The following KCNN2 variants were observed in gnomAD, a reference collection of about 807,000 sequenced individuals.
KCNN2 encodes small conductance calcium-activated potassium channel protein 2.
A neutral mutation model predicts 55.5 loss-of-function variants in KCNN2; 24 were observed. The ratio of observed to expected loss-of-function variants is 0.43; its 90% confidence interval spans 0.31 to 0.61. KCNN2 has a LOEUF of 0.61. Ranked by LOEUF, KCNN2 falls within the 20% of genes least tolerant of loss-of-function variation. The probability of loss-of-function intolerance (pLI) is 0.08; values close to 1 mark genes in which losing one functional copy is unlikely to be tolerated. For synonymous variants in KCNN2, 431 were observed against 336.1 expected, an observed-to-expected ratio of 1.28 and a Z score of -3.09; for missense variants, 754 against 853.6, an observed-to-expected ratio of 0.88 and a Z score of 1.45.
chr5:114,479,807 G>C (rs1233482123), intron 5 of KCNN2, among the ~76,000 whole-genome samples: 1 of 152,186 alleles, frequency 6.6e-6, no homozygotes, highest in Non-Finnish European at 1.5e-5. Context: ...AATTAAGGCA[G>C]AAATCAAGAA....
chr5:114,187,727 C>T (rs1753366831), intron 1 of KCNN2, among the ~76,000 whole-genome samples: 1 of 151,522 alleles, frequency 6.6e-6, no homozygotes, highest in Admixed American at 6.6e-5. Context: ...AGGATGGTCT[C>T]AATCTCCTGA....
At chr5:114,412,507 T>A (rs1759168196) in intron 3 of KCNN2, among the ~76,000 whole-genome samples, 1 of 152,230 alleles carries the variant, frequency 6.6e-6, no homozygotes, top group Non-Finnish European at 1.5e-5. Flanking sequence ...TTTTATCTGT[T>A]TATATAACAT....
intron 1 of KCNN2, among the ~76,000 whole-genome samples, chr5:114,139,910 A>C (rs1752242056): frequency 6.6e-6 from 1 of 151,896 alleles, no homozygotes; most frequent in Admixed American, 6.6e-5. Context: ...TTTTTTTTTC[A>C]TAGACTTCAA....
intron 2 of KCNN2, among the ~76,000 whole-genome samples, chr5:114,242,989 G>A (rs1203171382): frequency 8.1e-6 from 1 of 124,068 alleles, no homozygotes; most frequent in Non-Finnish European, 1.7e-5. Flanking sequence ...TGATTAGACA[G>A]GGAAAACACC....
chr5:114,474,912 A>T (rs1482132597), intron 5 of KCNN2, among the ~76,000 whole-genome samples: 1 of 152,142 alleles, frequency 6.6e-6, no homozygotes, highest in African/African-American at 2.4e-5. Context: ...AAGTGACAGA[A>T]TCACAAATAA....
chr5:114,282,690 A>G (rs1561553957), intron 2 of KCNN2, among the ~76,000 whole-genome samples: 1 of 152,174 alleles, frequency 6.6e-6, no homozygotes, highest in Non-Finnish European at 1.5e-5. Flanking sequence ...GTATCATAAA[A>G]TAAGGAAAGA....
chr5:114,465,400 G>A (rs1275859342), intron 4 of KCNN2, among the ~76,000 whole-genome samples: 1 of 152,158 alleles, frequency 6.6e-6, no homozygotes, highest in Non-Finnish European at 1.5e-5. Flanking sequence ...ATCACCTGAG[G>A]TTGGGAGTTC....
chr5:114,074,975 C>T (rs560722233), intron 1 of KCNN2, among the ~76,000 whole-genome samples: 10 of 152,264 alleles, frequency 6.6e-5, no homozygotes, highest in East Asian at 1.9e-4. Context: ...CCTGCTGAGC[C>T]ACCAGACACA....
chr5:114,458,648 A>ATGTT (rs1761044906), intron 3 of KCNN2, among the ~76,000 whole-genome samples: 1 of 152,330 alleles, frequency 6.6e-6, no homozygotes, highest in South Asian at 2.1e-4. Context: ...TTCTAAGGGT[A>ATGTT]TGTTAGATGA....
intron 2 of KCNN2, among the ~76,000 whole-genome samples, chr5:114,392,589 T>C (rs142141744): frequency 1.1e-3 from 165 of 152,262 alleles, no homozygotes; most frequent in African/African-American, 3.8e-3. Context: ...ATTCTGAACA[T>C]AGCTTTTCAA....
At chr5:114,432,985 C>A (rs1014987254) in intron 3 of KCNN2, among the ~76,000 whole-genome samples, 1 of 152,130 alleles carries the variant, frequency 6.6e-6, no homozygotes, top group Non-Finnish European at 1.5e-5. Flanking sequence ...GGCTCCTGTG[C>A]GGCCGGAGCC....
intron 1 of KCNN2, among the ~76,000 whole-genome samples, chr5:114,061,496 C>T (rs982053104): frequency 2.0e-5 from 3 of 151,976 alleles, no homozygotes; most frequent in Non-Finnish European, 4.4e-5. Context: ...ATAACGAAGG[C>T]AAAAGTGTCT....
At position 114,201,037 on chromosome 5, in the gene KCNN2, C is replaced by A. The variant is rs773164390; in HGVS notation, c.-270-20443C>A. 2.6e-5 allele frequency among the ~76,000 whole-genome samples: 4 copies of A among 151,870 alleles called. No individual in the cohort carries two copies. The East Asian group carries it at 5.8e-4, about 22-fold the overall frequency. The stretch of plus-strand genomic sequence containing the variant: ...AGGAGCTTGTAGTGGGAGTGGTGGA[C>A]CCTGTGTGTGAGTGGGTTCTTAGGC... On this transcript the variant is annotated intron_variant, in intron 1 of 10. Transcript: ENST00000512097.
chr5:114,421,366 C>A (rs1020869891), intron 3 of KCNN2, among the ~76,000 whole-genome samples: 5 of 152,176 alleles, frequency 3.3e-5, no homozygotes, highest in Non-Finnish European at 1.5e-5. Context: ...TCCCAGCTCA[C>A]TGCAACCACC....
chr5:114,078,778 A>G (rs1750736146), intron 1 of KCNN2, among the ~76,000 whole-genome samples: 1 of 152,196 alleles, frequency 6.6e-6, no homozygotes, highest in African/African-American at 2.4e-5. Context: ...GAGGCAAGAA[A>G]ATATAGAATT....
In KCNN2 at chr5:114,263,629, A is replaced by T. The variant is rs539920754; in HGVS notation, c.-185+42064A>T. On this transcript the variant is annotated intron_variant, in intron 2 of 10. Coordinates refer to the KCNN2 transcript ENST00000512097. ...AAGCCTCTCTGTCTCCCAACAAGGT[A>T]ACTCTATTTCTGTTTGTAAAAAAAT... Among the ~76,000 whole-genome samples the T allele has an allele frequency of 8.5e-5, 13 of 152,270 alleles. No individual in the cohort carries two copies. In the South Asian group the frequency reaches 2.5e-3, roughly 29 times the overall value.
intron 2 of KCNN2, among the ~76,000 whole-genome samples, chr5:114,326,231 C>T (rs1162898197): frequency 3.9e-5 from 6 of 152,220 alleles, no homozygotes; most frequent in Admixed American, 2.6e-4. Flanking sequence ...TGCCTAGGTA[C>T]ATGTGAGGTT....
chr5:114,257,511 G>A (rs1402483743), intron 2 of KCNN2, among the ~76,000 whole-genome samples: 1 of 151,912 alleles, frequency 6.6e-6, no homozygotes, highest in Non-Finnish European at 1.5e-5. Flanking sequence ...CCATTTGTTT[G>A]TATTATCTAT....
chr5:114,076,517 A>G (rs971625445), intron 1 of KCNN2, among the ~76,000 whole-genome samples: 2 of 152,172 alleles, frequency 1.3e-5, no homozygotes, highest in Admixed American at 1.3e-4. Context: ...TACACAAAAA[A>G]CTTATGTCAC....
Sources: allele counts gnomAD v4.1 joint callset (sites outside exome capture counted in the v4.1 genomes callset), GRCh38; gene constraint gnomAD v4.1.1; transcripts MANE v1.5; gene names NCBI Gene and HGNC (gene_info 2026-07-23, HGNC 2026-07-21).